Variants in PACRG observed in about 807,000 individuals in gnomAD.
PACRG encodes parkin coregulated gene protein.
A neutral mutation model predicts 29.7 loss-of-function variants in PACRG; 29 were observed. The observed-to-expected ratio is 0.98, with a 90% CI of 0.73 to 1.33. The LOEUF is 1.33. Among genes scored for constraint, PACRG ranks in the 40% most tolerant of loss-of-function variants. The pLI, the probability that PACRG is intolerant of heterozygous loss-of-function variation, is 0.00. For missense variants in PACRG, 279 were observed against 316.2 expected (o/e 0.88, Z 0.89); for synonymous variants, 116 against 118.7 (o/e 0.98, Z 0.15).
chr6:163,253,296 T>G (rs1585373492), intron 4 of PACRG, among the ~76,000 whole-genome samples: 1 of 90,300 alleles, frequency 1.1e-5, no homozygotes, highest in Non-Finnish European at 2.1e-5. Flanking sequence ...TGAGACTGTC[T>G]CAAAAAAAAA....
intron 2 of PACRG, among the ~76,000 whole-genome samples, chr6:162,981,391 T>C (rs538848922): frequency 2.0e-5 from 3 of 151,612 alleles, no homozygotes; most frequent in African/African-American, 7.3e-5. Flanking sequence ...TATGTATATA[T>C]ACACACACAC....
chr6:162,807,731 T>C (rs1786478293), intron 1 of PACRG, among the ~76,000 whole-genome samples: 1 of 152,140 alleles, frequency 6.6e-6, no homozygotes, highest in African/African-American at 2.4e-5. Flanking sequence ...CAAAACATGA[T>C]GCAGAGACAT....
intron 2 of PACRG, among the ~76,000 whole-genome samples, chr6:162,928,510 C>G (rs1164962025): frequency 6.6e-6 from 1 of 151,702 alleles, no homozygotes; most frequent in Non-Finnish European, 1.5e-5. Flanking sequence ...TGCATATTTT[C>G]TGGGTACATG....
At chr6:163,172,307 C>T (rs1472413273) in intron 4 of PACRG, among the ~76,000 whole-genome samples, 1 of 152,198 alleles carries the variant, frequency 6.6e-6, no homozygotes, top group East Asian at 1.9e-4. Flanking sequence ...TAACTTCACA[C>T]CTGATTCTCT....
At chr6:163,187,428 C>T (rs1299805354) in intron 4 of PACRG, among the ~76,000 whole-genome samples, 2 of 152,174 alleles carry the variant, frequency 1.3e-5, no homozygotes, top group African/African-American at 2.4e-5. Flanking sequence ...CTCTTTGCAG[C>T]ACTGCTGAGA....
At chr6:162,761,860 C>A in intron 1 of PACRG, among the ~76,000 whole-genome samples, 1 of 148,194 alleles carries the variant, frequency 6.7e-6, no homozygotes, top group East Asian at 2.1e-4. Context: ...TTGCTTGAAC[C>A]AGGGAGATGG....
rs2128186967 is a variant in PACRG, at chr6:162,992,875, T to C, written c.292-69275T>C. Among the ~76,000 whole-genome samples, 4 of 151,572 alleles carry C rather than the reference T, an allele frequency of 2.6e-5. No individual in the cohort carries two copies. In the South Asian group the frequency reaches 8.5e-4, roughly 32 times the overall value. On this transcript the variant is annotated intron_variant, in intron 2 of 4. Coordinates refer to ENST00000366888, the MANE Select transcript of PACRG (RefSeq NM_001080379.2). ...TCTTTCCTGCTTTCTCTTGTGGGCA[T>C]TCAGTGCTATAAATTTCCCTCTACA...
intron 4 of PACRG, among the ~76,000 whole-genome samples, chr6:163,300,895 C>T (rs1391307701): frequency 6.6e-6 from 1 of 150,818 alleles, no homozygotes; most frequent in Non-Finnish European, 1.5e-5. Flanking sequence ...AGCAGGGCCA[C>T]ATCCACTGCT....
At chr6:163,171,165 G>T (rs778607889) in intron 4 of PACRG, among the ~76,000 whole-genome samples, 2 of 152,094 alleles carry the variant, frequency 1.3e-5, no homozygotes, top group Admixed American at 6.5e-5. Context: ...ATGACAAGTA[G>T]TATTAGTGAC....
intron 2 of PACRG, among the ~76,000 whole-genome samples, chr6:163,009,862 AT>A (rs1026720697): frequency 2.0e-4 from 31 of 152,216 alleles, no homozygotes; most frequent in African/African-American, 7.2e-4. Flanking sequence ...ATAAAATTTC[AT>A]TTTTTATGAG....
intron 4 of PACRG, among the ~76,000 whole-genome samples, chr6:163,162,381 G>A (rs560563483): frequency 1.0e-3 from 156 of 152,312 alleles, no homozygotes; most frequent in African/African-American, 3.7e-3. Context: ...TAAAAGTTCT[G>A]ATGCCAATTT....
chr6:163,105,246 AT>A (rs1255999560), intron 4 of PACRG, among the ~76,000 whole-genome samples: 1 of 152,192 alleles, frequency 6.6e-6, no homozygotes, highest in African/African-American at 2.4e-5. Context: ...CCAATGCATA[AT>A]GTACCAAGCA....
intron 1 of PACRG, among the ~76,000 whole-genome samples, chr6:162,735,537 T>A (rs1780097489): frequency 6.6e-6 from 1 of 152,190 alleles, no homozygotes; most frequent in Non-Finnish European, 1.5e-5. Context: ...TTGGATATAC[T>A]CTTTATTGAA....
At chr6:162,815,726 T>G (rs1787278389) in intron 2 of PACRG, among the ~76,000 whole-genome samples, 1 of 152,118 alleles carries the variant, frequency 6.6e-6, no homozygotes, top group Non-Finnish European at 1.5e-5. Flanking sequence ...TTCCAAAGTT[T>G]TGTTTGGATT....
At chr6:163,219,282 T>C (rs1781483489) in intron 4 of PACRG, among the ~76,000 whole-genome samples, 1 of 152,174 alleles carries the variant, frequency 6.6e-6, no homozygotes, top group Admixed American at 6.5e-5. Context: ...AGTCAATCTT[T>C]ATTCTTCTCT....
At chr6:163,020,622 C>T (rs775356462) in intron 2 of PACRG, among the ~76,000 whole-genome samples, 3 of 152,084 alleles carry the variant, frequency 2.0e-5, no homozygotes, top group South Asian at 2.1e-4. Context: ...TATTTCCCTG[C>T]GACGACACAC....
At chr6:163,032,611 GT>G (rs1396144739) in intron 2 of PACRG, among the ~76,000 whole-genome samples, 1 of 152,110 alleles carries the variant, frequency 6.6e-6, no homozygotes, top group Non-Finnish European at 1.5e-5. Context: ...AATTATAAGA[GT>G]TTTTTATAAT....
intron 3 of PACRG, among the ~76,000 whole-genome samples, chr6:163,077,626 ACTTAT>A: frequency 6.6e-6 from 1 of 152,238 alleles, no homozygotes. Context: ...TAATAATTTT[ACTTAT>A]CTTGACATTT....
intron 2 of PACRG, among the ~76,000 whole-genome samples, chr6:162,899,958 A>G (rs1554300384): frequency 1.3e-5 from 2 of 152,098 alleles, no homozygotes; most frequent in Non-Finnish European, 2.9e-5. Context: ...CGTCACCGTC[A>G]CCGCTGTGCA....
Sources: gnomAD v4.1 joint callset for allele counts (sites outside exome capture counted in the v4.1 genomes callset) on GRCh38, gnomAD v4.1.1 for gene constraint, MANE v1.5 for transcripts, NCBI Gene and HGNC (gene_info 2026-07-23, HGNC 2026-07-21) for gene names.